The following GPR158 variants were observed in gnomAD, a reference collection of about 807,000 sequenced individuals.
GPR158 encodes G protein-coupled receptor 158.
GPR158 carries 30 observed loss-of-function variants against 78.2 expected under a neutral mutation model. The observed-to-expected ratio is 0.38, with a 90% CI of 0.29 to 0.52. The LOEUF is 0.52. Ranked by LOEUF, GPR158 falls within the 20% of genes least tolerant of loss-of-function variation. The probability of loss-of-function intolerance (pLI) is 0.83; values close to 1 mark genes in which losing one functional copy is unlikely to be tolerated. For synonymous variants in GPR158, 581 were observed against 591.1 expected (o/e 0.98, Z 0.25); for missense variants, 1,463 against 1,523.5 (o/e 0.96, Z 0.66).
chr10:25,414,807 T>C (rs540083524), intron 4 of GPR158, among the ~76,000 whole-genome samples: 2 of 152,132 alleles, frequency 1.3e-5, no homozygotes, highest in African/African-American at 4.8e-5. Context: ...TCACATAATT[T>C]ATCAATTTAC....
In GPR158 at chr10:25,600,361, T is replaced by C. The variant is rs1837478881; in HGVS notation, c.*1087T>C. On this transcript the variant is annotated 3_prime_UTR_variant, in exon 11 of 11. Transcript: ENST00000376351. ...AAAATATACCGTGCATTATTATTAC[T>C]ATTGGAAAGGGAAGACTCTAGGGAT... 1 of 152,526 alleles carries C rather than the reference T, an allele frequency of 6.6e-6. No homozygotes were observed. Among genetic ancestry groups the C allele is most frequent in the South Asian group, 2.1e-4 (1 of 4,820 alleles). The allele number at this position is 152,526 out of a possible 1,614,324, so 9.4% of individuals were successfully genotyped here. A position where few individuals can be genotyped will look rare whatever the true frequency, so the allele number is the denominator to read the frequency against.
chr10:25,591,523 T>C (rs889984459), intron 8 of GPR158, among the ~76,000 whole-genome samples: 1 of 152,128 alleles, frequency 6.6e-6, no homozygotes, highest in Non-Finnish European at 1.5e-5. Flanking sequence ...GAATGCTCCA[T>C]GTTGAACCTA....
intron 2 of GPR158, among the ~76,000 whole-genome samples, chr10:25,324,458 T>G (rs1001690293): frequency 6.6e-6 from 1 of 152,220 alleles, no homozygotes; most frequent in Non-Finnish European, 1.5e-5. Context: ...CAACATTTAT[T>G]GATTAAGTTT....
At chr10:25,579,370 T>C (rs892214963) in intron 7 of GPR158, among the ~76,000 whole-genome samples, 1 of 152,190 alleles carries the variant, frequency 6.6e-6, no homozygotes, top group Non-Finnish European at 1.5e-5. Flanking sequence ...TAGAGTCAAA[T>C]AGACCAGATC....
chr10:25,438,337 G>C (rs569655432), intron 4 of GPR158, among the ~76,000 whole-genome samples: 14 of 152,304 alleles, frequency 9.2e-5, no homozygotes, highest in African/African-American at 2.2e-4. Context: ...ATCAAAGGAA[G>C]AAGAGGCAAA....
intron 2 of GPR158, among the ~76,000 whole-genome samples, chr10:25,233,714 G>C (rs761672766): frequency 5.9e-5 from 9 of 152,314 alleles, no homozygotes; most frequent in Middle Eastern, 3.4e-3. Flanking sequence ...GAAGTTAAAA[G>C]TATTTTCATA....
At chr10:25,593,704 T>C (rs893348864) in intron 8 of GPR158, among the ~76,000 whole-genome samples, 3 of 152,120 alleles carry the variant, frequency 2.0e-5, no homozygotes, top group African/African-American at 7.2e-5. Flanking sequence ...GATTTTTAAA[T>C]ACTGCATTTT....
chr10:25,509,975 A>G (rs1441731722), intron 5 of GPR158, among the ~76,000 whole-genome samples: 3 of 152,194 alleles, frequency 2.0e-5, no homozygotes, highest in African/African-American at 7.2e-5. Flanking sequence ...TGGCCTCCCA[A>G]AGTGCTGGGA....
At chr10:25,264,296 G>GCTTGCT (rs1176094024) in intron 2 of GPR158, among the ~76,000 whole-genome samples, 3 of 152,270 alleles carry the variant, frequency 2.0e-5, no homozygotes, top group African/African-American at 7.2e-5. Flanking sequence ...TTCTTGGAAT[G>GCTTGCT]CTTGCTCTTG....
intron 2 of GPR158, among the ~76,000 whole-genome samples, chr10:25,313,061 A>C (rs1376754991): frequency 6.6e-6 from 1 of 151,996 alleles, no homozygotes; most frequent in Non-Finnish European, 1.5e-5. Context: ...CAGATTATTA[A>C]TATATTTTTC....
At chr10:25,563,853 C>CCT (rs1357606280) in intron 6 of GPR158, among the ~76,000 whole-genome samples, 4 of 152,040 alleles carry the variant, frequency 2.6e-5, no homozygotes, top group African/African-American at 7.3e-5. Flanking sequence ...TAAACTTTAT[C>CCT]TAATAAGGTT....
intron 1 of GPR158, among the ~76,000 whole-genome samples, chr10:25,214,179 A>G: frequency 6.6e-6 from 1 of 152,074 alleles, no homozygotes; most frequent in Non-Finnish European, 1.5e-5. Context: ...TATTTTTAGT[A>G]GAGACGGGGT....
chr10:25,299,915 C>T (rs1280934261), intron 2 of GPR158, among the ~76,000 whole-genome samples: 2 of 152,094 alleles, frequency 1.3e-5, no homozygotes, highest in African/African-American at 4.8e-5. Context: ...CAACCTCTAC[C>T]TCCAGGGTTC....
intron 2 of GPR158, among the ~76,000 whole-genome samples, chr10:25,235,309 CTT>C (rs1853504471): frequency 6.6e-6 from 1 of 152,010 alleles, no homozygotes; most frequent in Non-Finnish European, 1.5e-5. Context: ...ATTTTCTTCT[CTT>C]ATTCTTACTA....
At chr10:25,427,560 T>C (rs772912830) in intron 4 of GPR158, among the ~76,000 whole-genome samples, 25 of 152,246 alleles carry the variant, frequency 1.6e-4, no homozygotes, top group Admixed American at 2.6e-4. Flanking sequence ...TGGTTGTTAT[T>C]GCTAATATAG....
chr10:25,496,241 C>G (rs1309163353), intron 5 of GPR158, among the ~76,000 whole-genome samples: 1 of 152,128 alleles, frequency 6.6e-6, no homozygotes, highest in Non-Finnish European at 1.5e-5. Flanking sequence ...TGAAGGTAGA[C>G]ATGAGAGGCC....
In GPR158 at chr10:25,221,337, C is replaced by T. The variant is rs569027258; in HGVS notation, c.1008+180C>T. 3.3e-5 allele frequency among the ~76,000 whole-genome samples: 5 copies of T among 152,158 alleles called. No homozygotes were observed. The East Asian group carries it at 5.8e-4, about 18-fold the overall frequency. On this transcript the variant is annotated intron_variant, in intron 2 of 10. Transcript: ENST00000376351. The stretch of plus-strand genomic sequence containing the variant: ...ATAAAATTTGTATAGAATAACTGTT[C>T]GCTTGGGGACTGAAAGAAGGCCAAA...
At chr10:25,226,272 C>T (rs1002827176) in intron 2 of GPR158, among the ~76,000 whole-genome samples, 3 of 152,118 alleles carry the variant, frequency 2.0e-5, no homozygotes, top group Non-Finnish European at 4.4e-5. Flanking sequence ...TTTAATAGCC[C>T]ATGTAACTAG....
intron 2 of GPR158, among the ~76,000 whole-genome samples, chr10:25,331,339 C>G (rs1438407736): frequency 1.3e-5 from 2 of 152,188 alleles, no homozygotes; most frequent in African/African-American, 4.8e-5. Context: ...GATGACAATT[C>G]TTCCTTAGGG....
Sources: allele counts gnomAD v4.1 joint callset (sites outside exome capture counted in the v4.1 genomes callset), GRCh38; gene constraint gnomAD v4.1.1; transcripts MANE v1.5; gene names NCBI Gene and HGNC (gene_info 2026-07-23, HGNC 2026-07-21).